CUX1: variants seen among roughly 807,000 people sequenced by gnomAD.
The protein encoded by CUX1 is protein CASP.
In CUX1, 31 loss-of-function variants were observed where a neutral mutation model predicts 158.8. The observed-to-expected ratio is 0.20, with a 90% CI of 0.15 to 0.26. The LOEUF (loss-of-function observed/expected upper bound fraction) is 0.26. Among genes scored for constraint, CUX1 ranks in the 10% least tolerant of loss-of-function variants. The probability of loss-of-function intolerance (pLI) is 1.00; values close to 1 mark genes in which losing one functional copy is unlikely to be tolerated. For synonymous variants in CUX1, 879 were observed against 862.1 expected (o/e 1.02, Z -0.34); for missense variants, 1,589 against 2,014.6 (o/e 0.79, Z 4.04).
chr7:102,075,781 A>C (rs1254090648), intron 4 of CUX1, among the ~76,000 whole-genome samples: 11 of 152,136 alleles, frequency 7.2e-5, no homozygotes. Flanking sequence ...CTGAACTCTC[A>C]TTTTACTTTG....
chr7:102,241,969 CA>C (rs1554535106), intron 23 of CUX1, among the ~76,000 whole-genome samples: 2 of 152,186 alleles, frequency 1.3e-5, no homozygotes, highest in South Asian at 4.1e-4. Flanking sequence ...GACCCTGTCT[CA>C]AAAAAAGAAA....
chr7:102,063,714 C>T (rs183851191), intron 3 of CUX1, among the ~76,000 whole-genome samples: 2 of 152,260 alleles, frequency 1.3e-5, no homozygotes, highest in Admixed American at 1.3e-4. Context: ...ACATATTGAG[C>T]ATTTTCATAA....
chr7:101,859,152 G>A (rs1797184097), intron 1 of CUX1, among the ~76,000 whole-genome samples: 1 of 152,160 alleles, frequency 6.6e-6, no homozygotes, highest in Admixed American at 6.6e-5. Flanking sequence ...CTGCCCATGA[G>A]AGCTGGGTTT....
intron 22 of CUX1, among the ~76,000 whole-genome samples, chr7:102,237,148 G>A (rs1243258119): frequency 6.6e-6 from 1 of 152,174 alleles, no homozygotes; most frequent in Non-Finnish European, 1.5e-5. Context: ...GGTTTTCTAT[G>A]GGGAAGATTT....
intron 1 of CUX1, among the ~76,000 whole-genome samples, chr7:101,840,812 A>G (rs1684708681): frequency 6.6e-6 from 1 of 152,074 alleles, no homozygotes. Context: ...AGACTTTAGA[A>G]TGGTGGCTGG....
chr7:101,857,774 C>T (rs200708650), intron 1 of CUX1, among the ~76,000 whole-genome samples: 8 of 138,562 alleles, frequency 5.8e-5, no homozygotes, highest in South Asian at 2.4e-4. Context: ...GAATTTTTTT[C>T]CCCCCTTAGC....
At position 102,250,454 on chromosome 7, in the gene CUX1, G is replaced by A. The variant is rs1465883971; in HGVS notation, c.*1412G>A. ...CCAGGCCTGGGCAGGGCTTACACGCGCACTCTCTCTCTTCTTTCCCTTTTT... is the reference window on the plus strand; with the variant it reads ...CCAGGCCTGGGCAGGGCTTACACGCACACTCTCTCTCTTCTTTCCCTTTTT... On this transcript the variant is annotated 3_prime_UTR_variant, in exon 24 of 24. Transcript: ENST00000292535. The A allele has an allele frequency of 4.1e-6, 4 of 985,432 alleles. No individual in the cohort carries two copies. Among genetic ancestry groups the A allele is most frequent in the South Asian group, 4.7e-5 (1 of 21,284 alleles). 61.0% of individuals were successfully genotyped at this position (985,432 alleles called of 1,614,324 possible).
intron 4 of CUX1, among the ~76,000 whole-genome samples, chr7:102,080,782 G>A (rs1456469692): frequency 1.5e-4 from 23 of 152,136 alleles, no homozygotes; most frequent in Non-Finnish European, 3.1e-4. Flanking sequence ...CGAGGCTGTT[G>A]GGCTTTATCA....
At chr7:101,878,679 G>GTT (rs1032385676) in intron 1 of CUX1, among the ~76,000 whole-genome samples, 52 of 146,202 alleles carry the variant, frequency 3.6e-4, no homozygotes, top group Non-Finnish European at 6.4e-4. Context: ...ATCTTTTTTT[G>GTT]TTTTTTTTTT....
chr7:102,267,657 T>A (rs1031301817), intron 14 of CUX1, among the ~76,000 whole-genome samples: 1 of 152,192 alleles, frequency 6.6e-6, no homozygotes, highest in Non-Finnish European at 1.5e-5. Context: ...AAATCATGCC[T>A]AGACTTTTTT....
intron 1 of CUX1, among the ~76,000 whole-genome samples, chr7:101,859,005 G>A (rs937102162): frequency 1.3e-5 from 2 of 152,072 alleles, no homozygotes; most frequent in South Asian, 4.1e-4. Flanking sequence ...GAAGAAATCC[G>A]GTATTGTTTG....
intron 15 of CUX1, among the ~76,000 whole-genome samples, chr7:102,198,456 A>G (rs1795036043): frequency 6.6e-6 from 1 of 152,214 alleles, no homozygotes; most frequent in South Asian, 2.1e-4. Flanking sequence ...TGAGGATGTT[A>G]ACCGAAATTG....
At chr7:101,881,374 C>A (rs779938673) in intron 1 of CUX1, among the ~76,000 whole-genome samples, 1 of 152,204 alleles carries the variant, frequency 6.6e-6, no homozygotes, top group East Asian at 1.9e-4. Context: ...CCAGTTTTTA[C>A]TGGAGTTCTT....
intron 2 of CUX1, among the ~76,000 whole-genome samples, chr7:101,964,398 T>A (rs1810887276): frequency 6.6e-6 from 1 of 152,044 alleles, no homozygotes; most frequent in South Asian, 2.1e-4. Context: ...TGGGCCCAGG[T>A]TTCGTCACCA....
intron 2 of CUX1, among the ~76,000 whole-genome samples, chr7:102,001,297 G>T (rs1260129408): frequency 6.6e-6 from 1 of 152,030 alleles, no homozygotes; most frequent in East Asian, 1.9e-4. Flanking sequence ...CCAAAATAAT[G>T]TTGAATTTTT....
chr7:101,992,200 G>T (rs1815230788), intron 2 of CUX1, among the ~76,000 whole-genome samples: 1 of 152,070 alleles, frequency 6.6e-6, no homozygotes, highest in African/African-American at 2.4e-5. Context: ...CTTTCCTACT[G>T]AGCTCCTTAA....
exon 22 of CUX1, chr7:102,282,712 G>A: frequency 1.2e-6 from 2 of 1,613,192 alleles, no homozygotes; most frequent in Non-Finnish European, 1.7e-6. Context: ...ACCTGGCCAG[G>A]TGCTCTACAA....
At chr7:101,819,210 A>G (rs1388802486) in intron 1 of CUX1, among the ~76,000 whole-genome samples, 2 of 152,230 alleles carry the variant, frequency 1.3e-5, no homozygotes, top group Non-Finnish European at 2.9e-5. Context: ...ATCCTATCTC[A>G]GACTTGTAAA....
chr7:102,149,430 C>T (rs1835387382), intron 8 of CUX1, among the ~76,000 whole-genome samples: 1 of 143,292 alleles, frequency 7.0e-6, no homozygotes, highest in Non-Finnish European at 1.5e-5. Flanking sequence ...CGGTATATCC[C>T]TGCTGAGCTC....
Sources: gnomAD v4.1 joint callset for allele counts (sites outside exome capture counted in the v4.1 genomes callset) on GRCh38, gnomAD v4.1.1 for gene constraint, MANE v1.5 for transcripts, NCBI Gene and HGNC (gene_info 2026-07-23, HGNC 2026-07-21) for gene names.